The following NAALADL2 variants were observed in gnomAD, a reference collection of about 807,000 sequenced individuals.
The protein encoded by NAALADL2 is inactive N-acetylated-alpha-linked acidic dipeptidase-like protein 2.
Under a neutral mutation model 87.2 loss-of-function variants are expected in NAALADL2, and 76 were observed. That is an observed-to-expected ratio of 0.87 (90% CI 0.72 to 1.05). NAALADL2 has a LOEUF of 1.05. NAALADL2 is among the 50% of genes least tolerant of loss of function. NAALADL2 has a pLI of 0.00. For synonymous variants in NAALADL2, 354 were observed against 331.0 expected, an observed-to-expected ratio of 1.07 and a Z score of -0.75; for missense variants, 1,089 against 945.8, an observed-to-expected ratio of 1.15 and a Z score of -1.99.
At chr3:174,938,357 C>T (rs991614549) in intron 1 of NAALADL2, among the ~76,000 whole-genome samples, 3 of 152,022 alleles carry the variant, frequency 2.0e-5, no homozygotes, top group African/African-American at 7.2e-5. Flanking sequence ...GACGTGATCT[C>T]CTTCCTTTCA....
chr3:174,550,549 T>C (rs1292219136), intron 1 of NAALADL2: 1 of 152,104 alleles, frequency 6.6e-6, no homozygotes, highest in Non-Finnish European at 1.5e-5. Context: ...AGCAATTTTT[T>C]TTCCTTTTTT....
At chr3:175,551,560 A>T (rs929093083) in intron 9 of NAALADL2, among the ~76,000 whole-genome samples, 2 of 152,178 alleles carry the variant, frequency 1.3e-5, no homozygotes, top group African/African-American at 4.8e-5. Context: ...CATCCCTCTC[A>T]AAGTGAGAGT....
chr3:174,658,211 G>T (rs1331132363), intron 2 of NAALADL2, among the ~76,000 whole-genome samples: 1 of 152,132 alleles, frequency 6.6e-6, no homozygotes, highest in African/African-American at 2.4e-5. Flanking sequence ...CTTCCCAAGT[G>T]GCTGTACCAT....
At chr3:175,085,611 C>G (rs995852013) in intron 1 of NAALADL2, among the ~76,000 whole-genome samples, 1 of 151,980 alleles carries the variant, frequency 6.6e-6, no homozygotes, top group Non-Finnish European at 1.5e-5. Context: ...CATTTTGGTT[C>G]CTAAGACATG....
intron 2 of NAALADL2, among the ~76,000 whole-genome samples, chr3:175,232,737 G>C (rs908721824): frequency 2.0e-5 from 3 of 152,080 alleles, no homozygotes; most frequent in Non-Finnish European, 4.4e-5. Context: ...GAGGAAGTAA[G>C]TGAGAAAAAT....
chr3:174,904,281 G>A lies in NAALADL2; in HGVS notation c.43+44831G>A, dbSNP rs180850626. ...TATGATAATGTTAAAGTGTTAGAAT[G>A]TTACATTGTGTGATATGTTACCAAC... On this transcript the variant is annotated intron_variant, in intron 1 of 13. Coordinates refer to ENST00000454872, the MANE Select transcript of NAALADL2 (RefSeq NM_207015.3). Among the ~76,000 whole-genome samples the A allele has an allele frequency of 1.1e-4, 16 of 151,930 alleles. No homozygotes were observed. In the East Asian group the frequency reaches 2.7e-3, roughly 26 times the overall value.
rs771431587 is a variant in NAALADL2, at chr3:175,217,169, T to C, written c.546-16762T>C. Among the ~76,000 whole-genome samples, 14 of 152,304 alleles carry C rather than the reference T, an allele frequency of 9.2e-5. No homozygotes were observed. The South Asian group carries it at 1.0e-3, about 11-fold the overall frequency. On this transcript the variant is annotated intron_variant, in intron 2 of 13. Transcript: ENST00000454872. Reference sequence around the variant, plus strand: ...AACAATTTTATTCACTTCATTTATTTTTGGTTATGTATGCAATGAGTATAC... The same window carrying C: ...AACAATTTTATTCACTTCATTTATTCTTGGTTATGTATGCAATGAGTATAC...
intron 3 of NAALADL2, among the ~76,000 whole-genome samples, chr3:174,851,472 AACTAT>A (rs1725254845): frequency 1.3e-5 from 2 of 152,038 alleles, no homozygotes; most frequent in Non-Finnish European, 2.9e-5. Context: ...TGTTTTGAGC[AACTAT>A]ACTATGAGTA....
intron 5 of NAALADL2, among the ~76,000 whole-genome samples, chr3:175,388,777 T>G (rs2149011516): frequency 6.6e-6 from 1 of 152,264 alleles, no homozygotes; most frequent in South Asian, 2.1e-4. Context: ...GGTCATTTTT[T>G]ATAACTCTGT....
At chr3:175,012,361 T>A (rs2108811227) in intron 1 of NAALADL2, among the ~76,000 whole-genome samples, 1 of 151,854 alleles carries the variant, frequency 6.6e-6, no homozygotes, top group Admixed American at 6.6e-5. Flanking sequence ...AGAGACGGAG[T>A]TTCACCGTGT....
chr3:175,091,638 T>C (rs985117313), intron 1 of NAALADL2, among the ~76,000 whole-genome samples: 12 of 152,052 alleles, frequency 7.9e-5, no homozygotes, highest in African/African-American at 2.9e-4. Flanking sequence ...TTGATAAACA[T>C]GGTGTTCTAC....
chr3:175,613,243 T>G (rs1214375553), intron 10 of NAALADL2, among the ~76,000 whole-genome samples: 4 of 152,164 alleles, frequency 2.6e-5, no homozygotes, highest in Non-Finnish European at 5.9e-5. Context: ...TGGTACTAAT[T>G]CCTTTACTAA....
chr3:175,503,360 T>C (rs1435220719), intron 9 of NAALADL2, among the ~76,000 whole-genome samples: 1 of 152,186 alleles, frequency 6.6e-6, no homozygotes, highest in African/African-American at 2.4e-5. Flanking sequence ...TCCATGACTT[T>C]GCTATTGTGA....
At chr3:174,554,870 A>G (rs879650812) in intron 2 of NAALADL2, among the ~76,000 whole-genome samples, 43 of 152,338 alleles carry the variant, frequency 2.8e-4, no homozygotes, top group Middle Eastern at 3.4e-3. Flanking sequence ...TCACAGTTCT[A>G]GAGGCTGGGA....
intron 4 of NAALADL2, among the ~76,000 whole-genome samples, chr3:175,282,585 C>T (rs931046288): frequency 1.3e-5 from 2 of 152,010 alleles, no homozygotes; most frequent in Admixed American, 6.6e-5. Context: ...CTACCTGTCA[C>T]CTGCCCTCCA....
chr3:175,046,242 A>T (rs983467611), intron 1 of NAALADL2, among the ~76,000 whole-genome samples: 1 of 152,152 alleles, frequency 6.6e-6, no homozygotes, highest in Non-Finnish European at 1.5e-5. Context: ...TTAAATGCAG[A>T]TTCGGAATTA....
chr3:174,686,246 C>G (rs1035931029), intron 2 of NAALADL2, among the ~76,000 whole-genome samples: 1 of 152,110 alleles, frequency 6.6e-6, no homozygotes, highest in Admixed American at 6.6e-5. Flanking sequence ...AGTTGCCACA[C>G]TATCTTCTGC....
chr3:174,872,964 C>G (rs973218516), intron 1 of NAALADL2, among the ~76,000 whole-genome samples: 1 of 152,106 alleles, frequency 6.6e-6, no homozygotes, highest in Non-Finnish European at 1.5e-5. Flanking sequence ...ACTTTTCTTG[C>G]AAATGGACAT....
At chr3:174,661,493 ATATGTAAATAT>A (rs1230364535) in intron 2 of NAALADL2, among the ~76,000 whole-genome samples, 2 of 152,082 alleles carry the variant, frequency 1.3e-5, no homozygotes, top group African/African-American at 4.8e-5. Flanking sequence ...TAAAAAGGAC[ATATGTAAATAT>A]TGGGTGCATG....
Sources: gnomAD v4.1 joint callset for allele counts (sites outside exome capture counted in the v4.1 genomes callset) on GRCh38, gnomAD v4.1.1 for gene constraint, MANE v1.5 for transcripts, NCBI Gene and HGNC (gene_info 2026-07-23, HGNC 2026-07-21) for gene names.